The following DYNC2I1 variants were observed in gnomAD, a reference collection of about 807,000 sequenced individuals.
The protein encoded by DYNC2I1 is cytoplasmic dynein 2 intermediate chain 1.
DYNC2I1 carries 89 observed loss-of-function variants against 133.4 expected under a neutral mutation model. The observed-to-expected ratio is 0.67, with a 90% confidence interval of 0.56 to 0.80. The LOEUF (loss-of-function observed/expected upper bound fraction) is 0.80. DYNC2I1 is among the 30% of genes least tolerant of loss of function. DYNC2I1 has a pLI of 0.00. For synonymous variants in DYNC2I1, 504 were observed against 484.3 expected (o/e 1.04, Z -0.54); for missense variants, 1,291 against 1,314.5 (o/e 0.98, Z 0.28).
chr7:158,853,062 T>C (rs1156446212), upstream of DYNC2I1, among the ~76,000 whole-genome samples: 1 of 152,172 alleles, frequency 6.6e-6, no homozygotes, highest in Non-Finnish European at 1.5e-5. Flanking sequence ...TGACTCTAAG[T>C]CTCTTGGCCA....
chr7:158,919,018 G>A, intron 15 of DYNC2I1, 149 bp downstream of exon 15: 1 of 1,000,018 alleles, frequency 1.0e-6, no homozygotes, highest in South Asian at 2.6e-5. Flanking sequence ...GAATTCAAAA[G>A]TGAGTGGTTT....
Position 158,870,028 on chromosome 7 carries a change from A to G in DYNC2I1, c.69+120A>G, listed in dbSNP as rs1584970781. The G allele has an allele frequency of 8.6e-6, 7 of 814,146 alleles. No individual in the cohort carries two copies. The East Asian group carries it at 1.8e-4, about 21-fold the overall frequency. 50.4% of individuals were successfully genotyped at this position (814,146 alleles called of 1,614,324 possible). On this transcript the variant is annotated intron_variant, in intron 2 of 24. Transcript: ENST00000407559. ...GTTATGTGTGCCTCATTTCAGAAGT[A>G]CTTTGAACTCAGAGGTGAAGGTGTA...
chr7:158,949,305 T>G (rs1851981462), downstream of DYNC2I1, among the ~76,000 whole-genome samples: 1 of 152,256 alleles, frequency 6.6e-6, no homozygotes, highest in African/African-American at 2.4e-5. Context: ...TTAAAATAGT[T>G]TATTTAGAAT....
intron 15 of DYNC2I1, among the ~76,000 whole-genome samples, chr7:158,921,910 C>T (rs1849136978): frequency 6.6e-6 from 1 of 152,228 alleles, no homozygotes; most frequent in African/African-American, 2.4e-5. Context: ...AGTGCAGTCC[C>T]TCGCCGGGTG....
At chr7:158,927,373 A>T (rs1234243477) in intron 20 of DYNC2I1, among the ~76,000 whole-genome samples, 1 of 151,202 alleles carries the variant, frequency 6.6e-6, no homozygotes, top group Non-Finnish European at 1.5e-5. Context: ...ACTACACTCC[A>T]GCCTGGGTGA....
chr7:158,940,128 C>T (rs1316171195), intron 23 of DYNC2I1, among the ~76,000 whole-genome samples: 1 of 152,216 alleles, frequency 6.6e-6, no homozygotes, highest in Non-Finnish European at 1.5e-5. Flanking sequence ...TTAAACTACA[C>T]ACTAGACCAG....
chr7:158,855,611 G>A (rs1211824710), upstream of DYNC2I1, among the ~76,000 whole-genome samples: 3 of 152,180 alleles, frequency 2.0e-5, no homozygotes, highest in African/African-American at 7.2e-5. Flanking sequence ...TATAAACTAA[G>A]TTTCTCCCAA....
rs781736999 is a variant in DYNC2I1 at position 158,942,013 on chromosome 7, C to T, written c.2867C>T (p.Ala956Val). 14 of 1,613,396 alleles carry T rather than the reference C, an allele frequency of 8.7e-6. No homozygotes were observed. The highest frequency in any genetic ancestry group is 2.2e-5 in the East Asian group (1 of 44,876). ...LQWDSSTDSH[A>V]VTGLQWSPTR... The stretch of plus-strand genomic sequence containing the variant: ...TGGGACAGCAGCACGGACAGCCATG[C>T]GGTCACCGGCCTGCAGTGGTCCCCA... Residue 956 changes from alanine to valine, a missense_variant, in exon 24 of 25, where the codon GCG becomes GTG. Coordinates refer to ENST00000407559, the MANE Select transcript of DYNC2I1 (RefSeq NM_018051.5).
In DYNC2I1 at chr7:158,934,178, G is replaced by A. The variant is rs1261378961; in HGVS notation, c.2596G>A (p.Val866Ile). 6 of 1,612,524 alleles carry A rather than the reference G, an allele frequency of 3.7e-6. No homozygotes were observed. Among genetic ancestry groups the A allele is most frequent in the Non-Finnish European group, 5.1e-6 (6 of 1,179,616 alleles). The stretch of plus-strand genomic sequence containing the variant: ...TTGGGGCACTACACAAACACTGAAT[G>A]TTAAATTTCTGCCTTCAGATCCTAA... ...EFWGTTQTLN[V>I]KFLPSDPNHF... The change falls in exon 22 of 25, where the codon GTT becomes ATT. Residue 866 changes from valine (V) to isoleucine (I), a missense_variant. Transcript: ENST00000407559.
intron 3 of DYNC2I1, among the ~76,000 whole-genome samples, chr7:158,872,484 A>G (rs1453062227): frequency 6.6e-6 from 1 of 151,896 alleles, no homozygotes; most frequent in Non-Finnish European, 1.5e-5. Flanking sequence ...AATACAAAAA[A>G]TTAAGCCAGG....
intron 19 of DYNC2I1, 107 bp from the exon 20 acceptor site, chr7:158,926,885 G>A (rs1320352512): frequency 1.0e-5 from 8 of 789,960 alleles, no homozygotes; most frequent in Non-Finnish European, 1.6e-5. Flanking sequence ...GAGCAGTTAT[G>A]TTTTAGTACC....
chr7:158,891,208 G>A (rs1325721582), intron 7 of DYNC2I1, 57 bp from the exon 8 acceptor site: 18 of 1,594,766 alleles, frequency 1.1e-5, no homozygotes, highest in African/African-American at 6.7e-5. Context: ...GCTGCGTGGC[G>A]TGTGCCCTGG....
chr7:158,882,001 C>G (rs1383539029), intron 5 of DYNC2I1, among the ~76,000 whole-genome samples: 1 of 152,202 alleles, frequency 6.6e-6, no homozygotes, highest in East Asian at 1.9e-4. Context: ...AAATGCCTTT[C>G]TGGACATAGA....
At position 158,905,384 on chromosome 7, in the gene DYNC2I1, G is replaced by A. The variant is rs747672663; in HGVS notation, c.1358-605G>A. The A allele has an allele frequency of 2.2e-4, 53 of 240,680 alleles. 1 individual carries two copies. Among genetic ancestry groups the A allele is most frequent in the Admixed American group, 1.6e-4 (3 of 18,986 alleles). The allele number at this position is 240,680 out of a possible 1,614,324, so 14.9% of individuals were successfully genotyped here. ...TGGAGCTCCAGCCCTCAAGTGATCC[G>A]CCTGCCTCGGCCTCCCAGAGGGCTG... On this transcript the variant is annotated intron_variant, in intron 10 of 24. Coordinates refer to ENST00000407559, the MANE Select transcript of DYNC2I1 (RefSeq NM_018051.5).
At chr7:158,888,204 T>C (rs540012096) in intron 7 of DYNC2I1, among the ~76,000 whole-genome samples, 1 of 151,726 alleles carries the variant, frequency 6.6e-6, no homozygotes, top group Non-Finnish European at 1.5e-5. Context: ...TTTGTATTTA[T>C]AGTAGAGATG....
At chr7:158,893,880 G>A (rs534410633) in intron 8 of DYNC2I1, among the ~76,000 whole-genome samples, 5 of 150,092 alleles carry the variant, frequency 3.3e-5, no homozygotes, top group Admixed American at 6.6e-5. Flanking sequence ...ATATCATATC[G>A]TAACACATGT....
chr7:158,859,128 T>C (rs1444573153), intron 1 of DYNC2I1, among the ~76,000 whole-genome samples: 1 of 149,682 alleles, frequency 6.7e-6, no homozygotes, highest in Admixed American at 6.7e-5. Flanking sequence ...CCCAAAGTGC[T>C]GGGACTACAG....
intron 3 of DYNC2I1, among the ~76,000 whole-genome samples, chr7:158,876,021 T>G (rs1843324259): frequency 6.6e-6 from 1 of 152,232 alleles, no homozygotes; most frequent in African/African-American, 2.4e-5. Context: ...TGTACGAGTC[T>G]GTCCTCATAC....
At chr7:158,955,204 T>C (rs1012855436) in intron 4 of DYNC2I1, among the ~76,000 whole-genome samples, 8 of 152,238 alleles carry the variant, frequency 5.3e-5, no homozygotes, top group Non-Finnish European at 1.2e-4. Context: ...CTTAACACTT[T>C]ACTCTCTGTT....
Sources: gnomAD v4.1 joint callset for allele counts (sites outside exome capture counted in the v4.1 genomes callset) on GRCh38, gnomAD v4.1.1 for gene constraint, MANE v1.5 for transcripts, NCBI Gene and HGNC (gene_info 2026-07-23, HGNC 2026-07-21) for gene names.